SGCZ: variants seen among roughly 807,000 people sequenced by gnomAD.
SGCZ encodes zeta-sarcoglycan.
Under a neutral mutation model 41.3 loss-of-function variants are expected in SGCZ, and 40 were observed. The observed-to-expected ratio is 0.97, with a 90% confidence interval of 0.75 to 1.26. The LOEUF (loss-of-function observed/expected upper bound fraction) is 1.26, where lower values mean the gene tolerates loss of function less well. Ranked by LOEUF, SGCZ falls within the 50% of genes most tolerant of loss-of-function variation. The probability of loss-of-function intolerance (pLI) is 0.00; values close to 1 mark genes in which losing one functional copy is unlikely to be tolerated. For synonymous variants in SGCZ, 206 were observed against 137.5 expected (o/e 1.50, Z -3.49); for missense variants, 552 against 369.8 (o/e 1.49, Z -4.04).
intron 1 of SGCZ, among the ~76,000 whole-genome samples, chr8:15,232,033 T>A (rs1317265684): frequency 6.6e-6 from 1 of 152,212 alleles, no homozygotes; most frequent in Non-Finnish European, 1.5e-5. Flanking sequence ...AATGCACAAA[T>A]CTTTACCTTG....
At chr8:15,111,832 A>G (rs148039403) in intron 1 of SGCZ, among the ~76,000 whole-genome samples, 8,800 of 151,638 alleles carry the variant, frequency 0.058, 868 homozygotes, top group African/African-American at 0.2. Context: ...CCAGGGAGTC[A>G]GAGGTAGCAG....
intron 1 of SGCZ, among the ~76,000 whole-genome samples, chr8:14,752,820 T>A (rs1045985124): frequency 1.3e-5 from 2 of 152,162 alleles, no homozygotes; most frequent in African/African-American, 4.8e-5. Context: ...AGATGATGCT[T>A]TAGATCTATT....
At position 15,026,979 on chromosome 8, in the gene SGCZ, C is replaced by T. The variant is rs545511223; in HGVS notation, c.39+210606G>A. Reference sequence around the variant, plus strand: ...CCTTTTCAAAGAAAAATACTTCCAACAGACAATGGTTCCACCAATGACAGA... The same window carrying T: ...CCTTTTCAAAGAAAAATACTTCCAATAGACAATGGTTCCACCAATGACAGA... On this transcript the variant is annotated intron_variant, in intron 1 of 7. Transcript: ENST00000382080. 2.6e-5 allele frequency among the ~76,000 whole-genome samples: 4 copies of T among 152,266 alleles called. No homozygotes were observed. In the South Asian group the frequency reaches 8.3e-4, roughly 32 times the overall value.
chr8:14,518,425 C>T (rs957544748), intron 2 of SGCZ, among the ~76,000 whole-genome samples: 2 of 151,914 alleles, frequency 1.3e-5, no homozygotes, highest in African/African-American at 2.4e-5. Context: ...CATATATGGA[C>T]CAATCTTTAT....
intron 1 of SGCZ, among the ~76,000 whole-genome samples, chr8:14,788,844 C>T (rs1291370532): frequency 1.3e-5 from 2 of 152,090 alleles, no homozygotes; most frequent in African/African-American, 2.4e-5. Context: ...GGCACAGTGG[C>T]TCACACCTGT....
chr8:14,595,734 A>T (rs1805391177), intron 1 of SGCZ, among the ~76,000 whole-genome samples: 1 of 152,194 alleles, frequency 6.6e-6, no homozygotes, highest in South Asian at 2.1e-4. Context: ...GGAAAAAAAT[A>T]AATTAAACAA....
intron 4 of SGCZ, among the ~76,000 whole-genome samples, chr8:14,211,845 T>C (rs1805818454): frequency 6.6e-6 from 1 of 152,128 alleles, no homozygotes; most frequent in East Asian, 1.9e-4. Context: ...ATATCAGATT[T>C]GTTTTTTGCA....
Position 15,057,160 on chromosome 8 carries a change from C to A in SGCZ, c.39+180425G>T, listed in dbSNP as rs1024348066. On this transcript the variant is annotated intron_variant, in intron 1 of 7. Transcript: ENST00000382080. ...GAGCACAGCACTTTCAGGGGAAGAA[C>A]ATATGGGAAGTACAGATGTTCAAAG... 3.3e-5 allele frequency among the ~76,000 whole-genome samples: 5 copies of A among 152,200 alleles called. No individual in the cohort carries two copies. The South Asian group carries it at 6.2e-4, about 19-fold the overall frequency.
intron 1 of SGCZ, among the ~76,000 whole-genome samples, chr8:15,020,051 T>C (rs772662765): frequency 6.8e-4 from 103 of 152,004 alleles, no homozygotes; most frequent in Middle Eastern, 3.4e-3. Context: ...CGAACCAAAA[T>C]GGATTATAGC....
chr8:14,108,849 C>T (rs1484696975), intron 5 of SGCZ, among the ~76,000 whole-genome samples: 1 of 152,158 alleles, frequency 6.6e-6, no homozygotes, highest in Non-Finnish European at 1.5e-5. Flanking sequence ...TATTCCCACT[C>T]TCTCTTTAAA....
intron 4 of SGCZ, 163 bp from the exon 5 acceptor site, chr8:14,164,865 A>G (rs1237132474): frequency 1.2e-5 from 10 of 856,226 alleles, no homozygotes; most frequent in African/African-American, 3.4e-5. Flanking sequence ...CATTTTCAGG[A>G]GGCTAATTTG....
At chr8:15,237,341 C>A (rs1802166469) in intron 1 of SGCZ, among the ~76,000 whole-genome samples, 1 of 152,180 alleles carries the variant, frequency 6.6e-6, no homozygotes, top group African/African-American at 2.4e-5. Context: ...GGGGTGGCCG[C>A]TGGCGGGAGG....
At chr8:14,372,117 A>C (rs1803934744) in intron 2 of SGCZ, among the ~76,000 whole-genome samples, 1 of 152,182 alleles carries the variant, frequency 6.6e-6, no homozygotes, top group Non-Finnish European at 1.5e-5. Flanking sequence ...TAGGATATAC[A>C]ATAAGAAAGG....
chr8:14,756,048 C>T (rs1046178838), intron 1 of SGCZ, among the ~76,000 whole-genome samples: 3 of 151,952 alleles, frequency 2.0e-5, no homozygotes, highest in African/African-American at 7.3e-5. Context: ...CCTCGCCACT[C>T]ATAAGGGATC....
intron 1 of SGCZ, among the ~76,000 whole-genome samples, chr8:14,597,952 C>T (rs758302692): frequency 2.4e-4 from 37 of 152,104 alleles, no homozygotes; most frequent in Admixed American, 5.2e-4. Context: ...ATTATTTTCA[C>T]GTATTCTTCA....
intron 1 of SGCZ, among the ~76,000 whole-genome samples, chr8:14,628,065 G>A (rs1337522737): frequency 6.6e-6 from 1 of 152,006 alleles, no homozygotes; most frequent in Non-Finnish European, 1.5e-5. Flanking sequence ...AGTTCATCTT[G>A]CTGGTTAGAA....
At position 14,578,835 on chromosome 8, in the gene SGCZ, G is replaced by A. The variant is rs116706830; in HGVS notation, c.40-23909C>T. Among the ~76,000 whole-genome samples, 5 of 152,222 alleles carry A rather than the reference G, an allele frequency of 3.3e-5. No homozygotes were observed. The East Asian group carries it at 9.6e-4, about 29-fold the overall frequency. On this transcript the variant is annotated intron_variant, in intron 1 of 7. Transcript: ENST00000382080. ...GTCTCTCTGTTTACAAATTAGATATGTAAAACTTAATAGCATCCAATTTGT... is the reference window on the plus strand; with the variant it reads ...GTCTCTCTGTTTACAAATTAGATATATAAAACTTAATAGCATCCAATTTGT...
intron 2 of SGCZ, among the ~76,000 whole-genome samples, chr8:14,465,083 C>G (rs543735389): frequency 1.3e-5 from 2 of 151,470 alleles, no homozygotes; most frequent in Non-Finnish European, 3.0e-5. Context: ...CCATATATCT[C>G]TATTATATCC....
chr8:14,984,669 C>G (rs1333955861), intron 1 of SGCZ, among the ~76,000 whole-genome samples: 2 of 152,122 alleles, frequency 1.3e-5, no homozygotes, highest in Non-Finnish European at 2.9e-5. Flanking sequence ...GCATGATTTT[C>G]TGGCAATACA....
Sources: allele counts gnomAD v4.1 joint callset (sites outside exome capture counted in the v4.1 genomes callset), GRCh38; gene constraint gnomAD v4.1.1; transcripts MANE v1.5; gene names NCBI Gene and HGNC (gene_info 2026-07-23, HGNC 2026-07-21).